The following TAF4 variants were observed in gnomAD, a reference collection of about 807,000 sequenced individuals.
TAF4 encodes transcription initiation factor TFIID subunit 4.
A neutral mutation model predicts 90.3 loss-of-function variants in TAF4; 9 were observed. The observed-to-expected ratio is 0.10, with a 90% CI of 0.06 to 0.17. TAF4 has a LOEUF of 0.17. Among genes scored for constraint, TAF4 ranks in the 10% least tolerant of loss-of-function variants. The pLI is 1.00. For missense variants in TAF4, 1,351 were observed against 1,370.7 expected, an observed-to-expected ratio of 0.99 and a Z score of 0.23; for synonymous variants, 818 against 638.9, an observed-to-expected ratio of 1.28 and a Z score of -4.23.
intron 1 of TAF4, among the ~76,000 whole-genome samples, chr20:62,040,543 C>T (rs1365988103): frequency 6.6e-6 from 1 of 152,216 alleles, no homozygotes. Context: ...GGTGACGTGA[C>T]TATCGTTAAA....
chr20:62,064,507 C>CG lies in TAF4; in HGVS notation c.1303dup (p.Arg435ProfsTer27). On this transcript the variant is annotated frameshift_variant, in exon 1 of 15. Coordinates refer to ENST00000252996, the MANE Select transcript of TAF4 (RefSeq NM_003185.4). LOFTEE classifies it high-confidence loss of function. ...CGGGTTCTGAGGCGGCTGCGGCAAG[C>CG]GGGGGGCCAGCACGGTGGGCGTCAG... 3.3e-6 allele frequency: 5 copies of CG among 1,517,250 alleles called. No individual in the cohort carries two copies. The highest frequency in any genetic ancestry group is 2.2e-5 in the Admixed American group (1 of 46,292). The allele number at this position is 1,517,250 out of a possible 1,614,324, so 94.0% of individuals were successfully genotyped here. A position where few individuals can be genotyped will look rare whatever the true frequency, so the allele number is the denominator to read the frequency against.
intron 1 of TAF4, among the ~76,000 whole-genome samples, chr20:62,055,759 GT>G (rs2056059896): frequency 6.6e-6 from 1 of 152,166 alleles, no homozygotes. Flanking sequence ...CTGCCCAGCA[GT>G]CCCCTCTCAC....
chr20:62,065,662 A>G lies in TAF4; in HGVS notation c.149T>C (p.Val50Ala). 1 of 1,087,914 alleles carries G rather than the reference A, an allele frequency of 9.2e-7. No individual in the cohort carries two copies. Among genetic ancestry groups the G allele is most frequent in the Non-Finnish European group, 1.1e-6 (1 of 898,116 alleles). 67.4% of individuals were successfully genotyped at this position (1,087,914 alleles called of 1,614,324 possible). ...GAGCGCGCCGGCGGCCGCGGCCCGCACCTCGGGCGTGCGCGGCGCGAGGTG... is the reference window on the plus strand; with the variant it reads ...GAGCGCGCCGGCGGCCGCGGCCCGCGCCTCGGGCGTGCGCGGCGCGAGGTG... ...HHHLAPRTPE[V>A]RAAAAGALGN... is the part of the protein sequence containing the mutation. Residue 50 changes from valine to alanine, a missense_variant, in exon 1 of 15, where the codon GTG becomes GCG. Physicochemically the swap from Val to Ala is moderately conservative, Grantham distance 64. Coordinates refer to ENST00000252996, the MANE Select transcript of TAF4 (RefSeq NM_003185.4).
At chr20:62,042,449 A>G (rs1344076675) in intron 1 of TAF4, among the ~76,000 whole-genome samples, 2 of 152,168 alleles carry the variant, frequency 1.3e-5, no homozygotes, top group African/African-American at 4.8e-5. Context: ...GGGCAGGGGG[A>G]AAAAGGCTGT....
intron 11 of TAF4, 142 bp downstream of exon 11, chr20:61,999,982 G>A: frequency 9.8e-7 from 1 of 1,021,904 alleles, no homozygotes; most frequent in Non-Finnish European, 1.5e-6. Context: ...AGTCCTATAA[G>A]AAATCCAAAA....
At chr20:61,990,542 C>T (rs1046939282) in intron 14 of TAF4, among the ~76,000 whole-genome samples, 6 of 152,262 alleles carry the variant, frequency 3.9e-5, no homozygotes, top group East Asian at 3.9e-4. Flanking sequence ...TGGACCCCGA[C>T]GGGCCTGGAC....
intron 1 of TAF4, among the ~76,000 whole-genome samples, chr20:62,017,720 C>G (rs912115726): frequency 1.3e-5 from 2 of 151,880 alleles, no homozygotes; most frequent in African/African-American, 4.8e-5. Flanking sequence ...TGCCTGTAAT[C>G]CAGCTACTTC....
rs568015257 is a variant in TAF4 at position 62,047,712 on chromosome 20, C to T, written c.1360+16739G>A. ...CCTCTGCCGTGAGCGCAGAGCGCAC[C>T]GTCAAGCCCAGGTGATGCAACATGC... On this transcript the variant is annotated intron_variant, in intron 1 of 14. Coordinates refer to ENST00000252996, the MANE Select transcript of TAF4 (RefSeq NM_003185.4). Among the ~76,000 whole-genome samples, 394 of 152,344 alleles carry T rather than the reference C, an allele frequency of 2.6e-3. 2 individuals are homozygous for T. Among genetic ancestry groups the T allele is most frequent in the African/African-American group, 9.0e-3 (375 of 41,580 alleles).
intron 10 of TAF4, 44 bp downstream of exon 10, chr20:62,000,508 G>A: frequency 6.3e-7 from 1 of 1,589,286 alleles, no homozygotes; most frequent in Non-Finnish European, 8.6e-7. Flanking sequence ...TGCCCCAGCA[G>A]CGCAGCTGTT....
intron 1 of TAF4, among the ~76,000 whole-genome samples, chr20:62,016,242 T>C (rs1326045044): frequency 6.6e-6 from 1 of 152,192 alleles, no homozygotes; most frequent in African/African-American, 2.4e-5. Flanking sequence ...AATACCCCCA[T>C]GTATGTGGTT....
At chr20:61,999,404 G>T (rs1829332275) in intron 11 of TAF4, among the ~76,000 whole-genome samples, 1 of 152,144 alleles carries the variant, frequency 6.6e-6, no homozygotes, top group South Asian at 2.1e-4. Flanking sequence ...CTTTTTTGCT[G>T]CAACACAGAA....
At chr20:62,024,101 C>T (rs1279926974) in intron 1 of TAF4, among the ~76,000 whole-genome samples, 2 of 152,118 alleles carry the variant, frequency 1.3e-5, no homozygotes, top group African/African-American at 4.8e-5. Context: ...GTAACCAGGA[C>T]AGCACAGTGT....
chr20:61,987,196 G>A (rs1269784411), intron 14 of TAF4, among the ~76,000 whole-genome samples: 6 of 152,206 alleles, frequency 3.9e-5, no homozygotes, highest in Middle Eastern at 3.4e-3. Context: ...ACGTCATCAC[G>A]AGGAGACACC....
intron 1 of TAF4, among the ~76,000 whole-genome samples, chr20:62,016,306 T>A (rs1038671624): frequency 1.2e-4 from 19 of 152,324 alleles, no homozygotes; most frequent in South Asian, 4.1e-4. Context: ...CTGGGTGTGT[T>A]TGTGAGGGTG....
intron 1 of TAF4, among the ~76,000 whole-genome samples, chr20:62,040,206 G>A (rs1079755): frequency 0.48 from 72,974 of 152,088 alleles, 18,369 homozygotes; most frequent in Middle Eastern, 0.64. Flanking sequence ...ATAATCAAAA[G>A]CTAGAAACAA....
intron 1 of TAF4, among the ~76,000 whole-genome samples, chr20:62,019,175 A>T (rs565552658): frequency 1.3e-5 from 2 of 152,334 alleles, no homozygotes; most frequent in East Asian, 3.9e-4. Flanking sequence ...AGAAAGTTTA[A>T]TAAGTGCAGA....
At chr20:62,014,087 C>CA (rs1466199127) in intron 2 of TAF4, among the ~76,000 whole-genome samples, 1 of 151,572 alleles carries the variant, frequency 6.6e-6, no homozygotes, top group Non-Finnish European at 1.5e-5. Flanking sequence ...CCCCTAACAG[C>CA]AGCAGCCAAC....
chr20:62,032,457 G>T (rs113689466), intron 1 of TAF4, among the ~76,000 whole-genome samples: 156 of 152,356 alleles, frequency 1.0e-3, no homozygotes, highest in Middle Eastern at 3.4e-3. Context: ...ATCTGAGAGT[G>T]CCAGTGGCAA....
At chr20:62,061,875 T>A (rs539561002) in intron 1 of TAF4, among the ~76,000 whole-genome samples, 4 of 152,254 alleles carry the variant, frequency 2.6e-5, no homozygotes, top group African/African-American at 9.6e-5. Context: ...AAGAATATCA[T>A]GACAGCTACC....
Sources: allele counts gnomAD v4.1 joint callset (sites outside exome capture counted in the v4.1 genomes callset), GRCh38; gene constraint gnomAD v4.1.1; transcripts MANE v1.5; gene names NCBI Gene and HGNC (gene_info 2026-07-23, HGNC 2026-07-21).